The following PIP4K2A variants were observed in gnomAD, a reference collection of about 807,000 sequenced individuals.
The protein encoded by PIP4K2A is phosphatidylinositol 5-phosphate 4-kinase type-2 alpha.
In PIP4K2A, 14 loss-of-function variants were observed where a neutral mutation model predicts 42.9. That is an observed-to-expected ratio of 0.33 (90% CI 0.22 to 0.51). The LOEUF (loss-of-function observed/expected upper bound fraction) is 0.51, where lower values mean the gene tolerates loss of function less well. PIP4K2A is among the 20% of genes least tolerant of loss of function. PIP4K2A has a pLI of 0.97. For synonymous variants in PIP4K2A, 192 were observed against 192.2 expected (o/e 1.00, Z 0.01); for missense variants, 434 against 519.8 (o/e 0.83, Z 1.61).
chr10:22,671,145 C>CAT lies in PIP4K2A; in HGVS notation c.144+43036_144+43037dup, dbSNP rs993832528. On this transcript the variant is annotated intron_variant, in intron 1 of 9. Transcript: ENST00000376573. ...TATAATTCACACACCCACGTCCACACATATATATATACCTTTACATATATT... is the reference window on the plus strand; with the variant it reads ...TATAATTCACACACCCACGTCCACACATATATATATATACCTTTACATATATT... Among the ~76,000 whole-genome samples the CAT allele has an allele frequency of 8.5e-5, 13 of 152,090 alleles. No homozygotes were observed. In the East Asian group the frequency reaches 1.7e-3, roughly 20 times the overall value.
intron 1 of PIP4K2A, among the ~76,000 whole-genome samples, chr10:22,683,010 T>C (rs1343504): frequency 0.19 from 28,504 of 151,984 alleles, 3,294 homozygotes; most frequent in Non-Finnish European, 0.26. Flanking sequence ...GATCCTTCTT[T>C]ATTTTTGCGT....
Position 22,573,375 on chromosome 10 carries a change from T to G in PIP4K2A, c.575A>C (p.Tyr192Ser). 2 of 1,613,524 alleles carry G rather than the reference T, an allele frequency of 1.2e-6. No individual in the cohort carries two copies. The highest frequency in any genetic ancestry group is 1.7e-6 in the Non-Finnish European group (2 of 1,179,424). ...YRLNVDGVEI[Y>S]VIVTRNVFSH... ...GAATACATTTCTTGTAACTATCACA[T>G]ATATTTCAACTCCATCAACATTAAG... The change falls in exon 5 of 10, where the codon TAT (tyrosine) becomes TCT (serine). Residue 192 changes from tyrosine to serine, a missense_variant. Coordinates refer to ENST00000376573, the MANE Select transcript of PIP4K2A (RefSeq NM_005028.5).
In PIP4K2A at chr10:22,636,722, C is replaced by T. The variant is rs114326512; in HGVS notation, c.145-27005G>A. ...CAAGCCCAGCGTGTAAATATGTGGA[C>T]GACTGCATATTAACGGTCCCCGATG... On this transcript the variant is annotated intron_variant, in intron 1 of 9. Transcript: ENST00000376573. 6.9e-3 allele frequency among the ~76,000 whole-genome samples: 1,057 copies of T among 152,272 alleles called. 10 individuals are homozygous for T. The highest frequency in any genetic ancestry group is 0.024 in the African/African-American group (1,000 of 41,556).
At chr10:22,645,399 T>C (rs999263063) in intron 1 of PIP4K2A, among the ~76,000 whole-genome samples, 1 of 151,884 alleles carries the variant, frequency 6.6e-6, no homozygotes, top group Non-Finnish European at 1.5e-5. Context: ...TTTTAAAAAT[T>C]AGCCAGCCAT....
intron 1 of PIP4K2A, among the ~76,000 whole-genome samples, chr10:22,674,026 ATG>A (rs1031502155): frequency 1.3e-5 from 2 of 152,196 alleles, no homozygotes; most frequent in African/African-American, 2.4e-5. Context: ...TTCTTCAGCA[ATG>A]TGTGTGTGTT....
intron 1 of PIP4K2A, among the ~76,000 whole-genome samples, chr10:22,655,166 T>C (rs939577072): frequency 6.6e-6 from 1 of 152,306 alleles, no homozygotes; most frequent in African/African-American, 2.4e-5. Flanking sequence ...GGTAAATTGA[T>C]AGAAGCCCTG....
intron 2 of PIP4K2A, 38 bp from the exon 3 acceptor site, chr10:22,608,061 G>T: frequency 7.3e-7 from 1 of 1,374,958 alleles, no homozygotes; most frequent in Non-Finnish European, 1.0e-6. Flanking sequence ...CTCAGAGAGA[G>T]TCAATCAGAC....
intron 1 of PIP4K2A, among the ~76,000 whole-genome samples, chr10:22,673,163 C>A (rs1265106904): frequency 6.6e-6 from 1 of 152,222 alleles, no homozygotes; most frequent in Non-Finnish European, 1.5e-5. Flanking sequence ...TCAGGCATCA[C>A]CTCCTCCAGG....
intron 1 of PIP4K2A, among the ~76,000 whole-genome samples, chr10:22,672,321 A>C (rs1474582850): frequency 1.3e-5 from 2 of 152,170 alleles, no homozygotes; most frequent in African/African-American, 4.8e-5. Context: ...GAGATTAAAA[A>C]ACAGAATCCA....
At chr10:22,598,672 C>T (rs1837684460) in intron 3 of PIP4K2A, among the ~76,000 whole-genome samples, 1 of 152,150 alleles carries the variant, frequency 6.6e-6, no homozygotes, top group Non-Finnish European at 1.5e-5. Context: ...GAAGTCAGGG[C>T]TTTGCGTCCT....
chr10:22,562,891 CCTCT>C (rs950599159), intron 6 of PIP4K2A, among the ~76,000 whole-genome samples: 37 of 152,196 alleles, frequency 2.4e-4, no homozygotes, highest in African/African-American at 8.7e-4. Context: ...TCAAATGCCT[CCTCT>C]CTCTCTAGTC....
chr10:22,560,718 T>C (rs564432442), intron 6 of PIP4K2A, among the ~76,000 whole-genome samples: 9 of 152,344 alleles, frequency 5.9e-5, no homozygotes, highest in African/African-American at 2.2e-4. Context: ...AAAGGGATCT[T>C]CTTATTGTGA....
chr10:22,635,701 G>A (rs185837598), intron 1 of PIP4K2A, among the ~76,000 whole-genome samples: 28 of 152,264 alleles, frequency 1.8e-4, no homozygotes, highest in East Asian at 1.7e-3. Flanking sequence ...GTTATGAGCC[G>A]GGGGGTTCTA....
chr10:22,609,655 A>G lies in PIP4K2A; in HGVS notation c.207T>C (p.Tyr69=), dbSNP rs757671522. The G allele has an allele frequency of 6.2e-7, 1 of 1,608,434 alleles. No individual in the cohort carries two copies. The highest frequency in any genetic ancestry group is 8.5e-7 in the Non-Finnish European group (1 of 1,175,260). Residue 69 remains tyrosine (Y), a synonymous_variant, in exon 2 of 10, where the codon TAT becomes TAC. Coordinates refer to ENST00000376573, the MANE Select transcript of PIP4K2A (RefSeq NM_005028.5). ...VMLMPDDFKA[Y]SKIKVDNHLF... is the part of the protein sequence containing the mutation. ...GGTGATTGTCCACCTTTATTTTTGA[A>G]TAGGCTTTGAAGTCATCTGGCATCA...
chr10:22,709,570 G>A (rs986349286), intron 1 of PIP4K2A, among the ~76,000 whole-genome samples: 7 of 152,006 alleles, frequency 4.6e-5, no homozygotes, highest in African/African-American at 1.2e-4. Flanking sequence ...AATTCTTGCC[G>A]GCAACCTATC....
At chr10:22,569,713 C>G (rs1328722827) in intron 5 of PIP4K2A, among the ~76,000 whole-genome samples, 1 of 152,010 alleles carries the variant, frequency 6.6e-6, no homozygotes, top group Non-Finnish European at 1.5e-5. Flanking sequence ...ACAATATAAT[C>G]CACCCTGCTT....
At chr10:22,685,825 G>A (rs1281837848) in intron 1 of PIP4K2A, among the ~76,000 whole-genome samples, 1 of 152,170 alleles carries the variant, frequency 6.6e-6, no homozygotes, top group Non-Finnish European at 1.5e-5. Flanking sequence ...GCCCCTCACA[G>A]CAATGGCAGG....
chr10:22,693,984 G>C (rs1839921870), intron 1 of PIP4K2A: 2 of 152,232 alleles, frequency 1.3e-5, no homozygotes, highest in South Asian at 2.1e-4. Context: ...TTAAAGCAAA[G>C]GCGATTCAAA....
intron 9 of PIP4K2A, chr10:22,539,407 A>G (rs142285488): frequency 6.5e-6 from 1 of 153,690 alleles, no homozygotes; most frequent in East Asian, 1.9e-4. Context: ...GGTGAGTAAT[A>G]TTATGCAACT....
Sources: allele counts gnomAD v4.1 joint callset (sites outside exome capture counted in the v4.1 genomes callset), GRCh38; gene constraint gnomAD v4.1.1; transcripts MANE v1.5; gene names NCBI Gene and HGNC (gene_info 2026-07-23, HGNC 2026-07-21).